The following KLF12 variants were observed in gnomAD, a reference collection of about 807,000 sequenced individuals.
KLF12 encodes the protein KLF transcription factor 12, also known as Krueppel-like factor 12.
In KLF12, 9 loss-of-function variants were observed where a neutral mutation model predicts 37.8. The observed-to-expected ratio is 0.24, with a 90% CI of 0.14 to 0.42. KLF12 has a LOEUF of 0.42. Among genes scored for constraint, KLF12 ranks in the 10% least tolerant of loss-of-function variants. The pLI is 1.00. For missense variants in KLF12, 411 were observed against 516.0 expected, an observed-to-expected ratio of 0.80 and a Z score of 1.97; for synonymous variants, 208 against 202.1, an observed-to-expected ratio of 1.03 and a Z score of -0.25.
chr13:74,012,568 TC>T (rs1434765338), intron 1 of KLF12, among the ~76,000 whole-genome samples: 3 of 152,216 alleles, frequency 2.0e-5, no homozygotes, highest in Admixed American at 2.0e-4. Context: ...TACAGTATCA[TC>T]TGGAAACTCA....
chr13:74,281,358 A>C, the KLF12 span, among the ~76,000 whole-genome samples: 1 of 152,128 alleles, frequency 6.6e-6, no homozygotes, highest in Non-Finnish European at 1.5e-5. Context: ...TTCCCGCAAA[A>C]CCTTGAGGAG....
intron 1 of KLF12, among the ~76,000 whole-genome samples, chr13:74,096,485 G>T (rs950248756): frequency 1.3e-5 from 2 of 152,136 alleles, no homozygotes; most frequent in African/African-American, 4.8e-5. Context: ...TATGCAAGAT[G>T]TACACTAAAT....
intron 2 of KLF12, among the ~76,000 whole-genome samples, chr13:73,954,323 T>C (rs1890761263): frequency 6.6e-6 from 1 of 152,154 alleles, no homozygotes; most frequent in Non-Finnish European, 1.5e-5. Flanking sequence ...TCTTCATATA[T>C]TTGTAATTTA....
intron 1 of KLF12, among the ~76,000 whole-genome samples, chr13:74,117,055 A>T (rs933674670): frequency 2.6e-5 from 4 of 152,076 alleles, no homozygotes; most frequent in African/African-American, 9.7e-5. Context: ...AAACAGAATT[A>T]TTGGTATTTC....
chr13:73,894,715 A>C (rs1238204826), intron 3 of KLF12, among the ~76,000 whole-genome samples: 1 of 152,152 alleles, frequency 6.6e-6, no homozygotes, highest in African/African-American at 2.4e-5. Flanking sequence ...AAACAATAAT[A>C]ATGATTGTGC....
intron 1 of KLF12, among the ~76,000 whole-genome samples, chr13:74,058,809 T>C (rs1873410119): frequency 6.6e-6 from 1 of 152,192 alleles, no homozygotes; most frequent in African/African-American, 2.4e-5. Context: ...TTATTTGATT[T>C]GATTTTAGAT....
At chr13:73,862,407 C>A (rs1481813087) in intron 3 of KLF12, among the ~76,000 whole-genome samples, 2 of 152,104 alleles carry the variant, frequency 1.3e-5, no homozygotes, top group Non-Finnish European at 2.9e-5. Context: ...GGTTCTAAGG[C>A]ATTAAGTGAC....
chr13:73,916,095 C>T (rs1888814680), intron 3 of KLF12, among the ~76,000 whole-genome samples: 1 of 151,884 alleles, frequency 6.6e-6, no homozygotes, highest in Non-Finnish European at 1.5e-5. Flanking sequence ...TCTTATTGAT[C>T]TTGCATAGAT....
intron 5 of KLF12, among the ~76,000 whole-genome samples, chr13:73,785,508 T>A (rs1881282477): frequency 6.6e-6 from 1 of 152,180 alleles, no homozygotes; most frequent in African/African-American, 2.4e-5. Flanking sequence ...CAATTTTAAT[T>A]GTGCATTTCC....
chr13:73,765,717 A>C (rs1431080502), intron 5 of KLF12, among the ~76,000 whole-genome samples: 1 of 152,156 alleles, frequency 6.6e-6, no homozygotes, highest in African/African-American at 2.4e-5. Context: ...CCTAGCTAGT[A>C]AACCTCCGCC....
chr13:74,137,020 G>C (rs1878583112), upstream of KLF12, among the ~76,000 whole-genome samples: 1 of 148,680 alleles, frequency 6.7e-6, no homozygotes, highest in Non-Finnish European at 1.5e-5. Context: ...CACTAGAGGA[G>C]TGTGTGTGTG....
Position 74,074,863 on chromosome 13 carries a change from G to A in KLF12, c.-32+58876C>T, listed in dbSNP as rs1467965953. 2.0e-5 allele frequency among the ~76,000 whole-genome samples: 3 copies of A among 152,236 alleles called. No individual in the cohort carries two copies. In the East Asian group the frequency reaches 5.8e-4, roughly 29 times the overall value. On this transcript the variant is annotated intron_variant, in intron 1 of 7. Transcript: ENST00000377669. Reference sequence around the variant, plus strand: ...AAGACAGACAAATGAGGAAGTGACAGATAATGCTTGGACTGTTCCTGGATA... The same window carrying A: ...AAGACAGACAAATGAGGAAGTGACAAATAATGCTTGGACTGTTCCTGGATA...
chr13:73,758,072 T>C (rs191066384), intron 6 of KLF12, among the ~76,000 whole-genome samples: 4 of 150,820 alleles, frequency 2.7e-5, no homozygotes, highest in Admixed American at 2.6e-4. Flanking sequence ...AATTTTTCTT[T>C]TTTTTAGAGA....
At chr13:73,833,517 T>TA (rs1339273809) in intron 4 of KLF12, among the ~76,000 whole-genome samples, 2 of 152,214 alleles carry the variant, frequency 1.3e-5, no homozygotes, top group Admixed American at 1.3e-4. Flanking sequence ...ATTCTGCACT[T>TA]AAGAGTGTTT....
chr13:74,250,765 A>G, the KLF12 span, among the ~76,000 whole-genome samples: 1 of 152,242 alleles, frequency 6.6e-6, no homozygotes, highest in Non-Finnish European at 1.5e-5. Context: ...TGCTATAAAA[A>G]TGAACTCAGC....
At chr13:74,111,295 C>T (rs1876960996) in intron 1 of KLF12, among the ~76,000 whole-genome samples, 2 of 151,932 alleles carry the variant, frequency 1.3e-5, no homozygotes, top group Non-Finnish European at 2.9e-5. Context: ...TGTACTGTAG[C>T]CTGAAAGAAA....
the KLF12 span, among the ~76,000 whole-genome samples, chr13:74,262,595 A>G: frequency 1.3e-5 from 2 of 152,304 alleles, no homozygotes; most frequent in East Asian, 3.9e-4. Context: ...TGTAAACAAT[A>G]TAACTGTTAT....
chr13:73,852,807 G>C (rs775540223), intron 3 of KLF12, among the ~76,000 whole-genome samples: 3 of 150,776 alleles, frequency 2.0e-5, no homozygotes, highest in Non-Finnish European at 4.4e-5. Context: ...AGAAATGATT[G>C]ATTCCTTAAG....
At chr13:74,125,166 T>TAC (rs374663142) in intron 1 of KLF12, among the ~76,000 whole-genome samples, 4,190 of 138,820 alleles carry the variant, frequency 0.03, 98 homozygotes, top group Middle Eastern at 0.065. Context: ...TATATATATA[T>TAC]ACACACACAC....
Sources: gnomAD v4.1 joint callset for allele counts (sites outside exome capture counted in the v4.1 genomes callset) on GRCh38, gnomAD v4.1.1 for gene constraint, MANE v1.5 for transcripts, NCBI Gene and HGNC (gene_info 2026-07-23, HGNC 2026-07-21) for gene names.